Variants in PCED1B observed in about 807,000 individuals in gnomAD.
PCED1B encodes PC-esterase domain-containing protein 1B.
For missense variants in PCED1B, 573 were observed against 573.9 expected (o/e 1.00, Z 0.02); for synonymous variants, 251 against 246.1 (o/e 1.02, Z -0.19).
At chr12:47,224,936 C>T (rs117605551) in intron 3 of PCED1B, among the ~76,000 whole-genome samples, 1,572 of 152,170 alleles carry the variant, frequency 0.01, 21 homozygotes, top group African/African-American at 0.017. Flanking sequence ...TTTTCTTTTT[C>T]GTTTTCTTTT....
intron 2 of PCED1B, among the ~76,000 whole-genome samples, chr12:47,163,261 C>T (rs542906502): frequency 3.0e-4 from 45 of 152,230 alleles, no homozygotes; most frequent in African/African-American, 1.1e-3. Flanking sequence ...TGTGCATTGA[C>T]TTTGTATCCT....
chr12:47,089,471 T>C (rs1247945371), intron 1 of PCED1B, among the ~76,000 whole-genome samples: 42 of 88,350 alleles, frequency 4.8e-4, no homozygotes, highest in African/African-American at 1.8e-3. Context: ...CATATATATA[T>C]ATATATATAT....
chr12:47,142,538 A>G (rs945644251), intron 2 of PCED1B, among the ~76,000 whole-genome samples: 16 of 152,196 alleles, frequency 1.1e-4, no homozygotes, highest in Non-Finnish European at 2.1e-4. Context: ...AAAAAGCTCA[A>G]TGAGATGCAA....
At chr12:47,129,084 T>C (rs1045949535) in intron 2 of PCED1B, among the ~76,000 whole-genome samples, 1 of 152,232 alleles carries the variant, frequency 6.6e-6, no homozygotes, top group African/African-American at 2.4e-5. Flanking sequence ...CTTAACAAAC[T>C]AATTCAAATT....
intron 1 of PCED1B, among the ~76,000 whole-genome samples, chr12:47,095,951 G>A (rs762631891): frequency 3.3e-5 from 5 of 151,728 alleles, no homozygotes; most frequent in Non-Finnish European, 5.9e-5. Flanking sequence ...TTTATATTTA[G>A]TGTTTACATT....
intron 2 of PCED1B, among the ~76,000 whole-genome samples, chr12:47,179,443 T>C (rs1294538236): frequency 6.6e-6 from 1 of 152,222 alleles, no homozygotes; most frequent in Admixed American, 6.5e-5. Flanking sequence ...TTCTTTAAAT[T>C]TGAAGCCTCA....
Position 47,233,626 on chromosome 12 carries a change from A to C in PCED1B, c.-57-1381A>C, listed in dbSNP as rs1943880080. On this transcript the variant is annotated intron_variant, in intron 3 of 3. Transcript: ENST00000546455. ...TGGTGTCCATTCCCTGTCTTCGGTGAAAAGGATGATAACCTGTCTGATTGA... is the reference window on the plus strand; with the variant it reads ...TGGTGTCCATTCCCTGTCTTCGGTGCAAAGGATGATAACCTGTCTGATTGA... 2.0e-5 allele frequency among the ~76,000 whole-genome samples: 3 copies of C among 152,208 alleles called. No homozygotes were observed. In the South Asian group the frequency reaches 6.2e-4, roughly 31 times the overall value.
rs577290822 is a variant in PCED1B, at chr12:47,184,314, A to G, written c.-525-31908A>G. 3.2e-3 allele frequency among the ~76,000 whole-genome samples: 480 copies of G among 152,300 alleles called. 3 individuals are homozygous for G. Among genetic ancestry groups the G allele is most frequent in the African/African-American group, 8.9e-3 (370 of 41,566 alleles). ...GCTGGAGACAGTGGTGTGCTGGTAA[A>G]CGACCAGCTGGGGAAGGGGAGGTGG... On this transcript the variant is annotated intron_variant, in intron 2 of 3. Coordinates refer to ENST00000546455, the MANE Select transcript of PCED1B (RefSeq NM_138371.3).
intron 2 of PCED1B, among the ~76,000 whole-genome samples, chr12:47,182,862 G>T (rs1307939569): frequency 6.6e-6 from 1 of 152,056 alleles, no homozygotes; most frequent in Non-Finnish European, 1.5e-5. Context: ...TGCCCATAAG[G>T]ATACGCAAAA....
In PCED1B at chr12:47,235,597, G is replaced by T. The variant is rs748809505; in HGVS notation, c.534G>T (p.Pro178=). ...VGEEVTGGFL[P]PKLRRQKATF... ...AGGAAGTCACCGGGGGTTTTCTTCCGCCCAAGCTCCGGCGGCAGAAGGCCA... is the reference window on the plus strand; with the variant it reads ...AGGAAGTCACCGGGGGTTTTCTTCCTCCCAAGCTCCGGCGGCAGAAGGCCA... Residue 178 remains proline, a synonymous_variant, in exon 4 of 4, where the codon CCG becomes CCT. Coordinates refer to ENST00000546455, the MANE Select transcript of PCED1B (RefSeq NM_138371.3). 2.9e-5 allele frequency: 46 copies of T among 1,608,482 alleles called. No homozygotes were observed. The South Asian group carries it at 4.2e-4, about 15-fold the overall frequency.
rs923085102 is a variant in PCED1B, at chr12:47,080,791, TTCTCTCTCCCTC to T, written c.-609+1085_-609+1096del. 3.5e-4 allele frequency among the ~76,000 whole-genome samples: 54 copies of T among 152,226 alleles called. 1 individual carries two copies. Among genetic ancestry groups the T allele is most frequent in the East Asian group, 1.3e-3 (7 of 5,186 alleles). The stretch of plus-strand genomic sequence containing the variant: ...TTTTTTCTCTCTTCTCCTTCCCCTC[TTCTCTCTCCCTC>T]TCTCTCTCCCTCTCTCTCCTTTCTC... On this transcript the variant is annotated intron_variant, in intron 1 of 3. Coordinates refer to ENST00000546455, the MANE Select transcript of PCED1B (RefSeq NM_138371.3).
At position 47,188,862 on chromosome 12, in the gene PCED1B, C is replaced by G. The variant is rs572415049; in HGVS notation, c.-525-27360C>G. Among the ~76,000 whole-genome samples, 3 of 152,274 alleles carry G rather than the reference C, an allele frequency of 2.0e-5. No individual in the cohort carries two copies. In the South Asian group the frequency reaches 6.2e-4, roughly 32 times the overall value. On this transcript the variant is annotated intron_variant, in intron 2 of 3. Coordinates refer to ENST00000546455, the MANE Select transcript of PCED1B (RefSeq NM_138371.3). ...GCTGGTAACCTGGACTTTTTCCAACCCTGGCTACACAGTTGCTGGATTTAG... is the reference window on the plus strand; with the variant it reads ...GCTGGTAACCTGGACTTTTTCCAACGCTGGCTACACAGTTGCTGGATTTAG...
chr12:47,146,594 T>C (rs957840234), intron 2 of PCED1B, among the ~76,000 whole-genome samples: 1 of 152,228 alleles, frequency 6.6e-6, no homozygotes, highest in Non-Finnish European at 1.5e-5. Context: ...CAAGACCCTA[T>C]ACCGGCAAAA....
chr12:47,172,457 CA>C (rs1170709425), intron 2 of PCED1B, among the ~76,000 whole-genome samples: 1 of 149,896 alleles, frequency 6.7e-6, no homozygotes, highest in Non-Finnish European at 1.5e-5. Context: ...GCCTGGGTGA[CA>C]GGGTGAGACC....
intron 1 of PCED1B, among the ~76,000 whole-genome samples, chr12:47,082,383 C>G (rs1332887180): frequency 2.6e-5 from 4 of 151,590 alleles, no homozygotes; most frequent in Non-Finnish European, 4.4e-5. Context: ...GAAAGCTTGT[C>G]TTAAAAAAAA....
intron 2 of PCED1B, among the ~76,000 whole-genome samples, chr12:47,121,547 T>C (rs1939680103): frequency 6.6e-6 from 1 of 152,232 alleles, no homozygotes; most frequent in African/African-American, 2.4e-5. Flanking sequence ...ATGCATGTTT[T>C]ACATGTTCTA....
chr12:47,136,041 T>C (rs1940352281), intron 2 of PCED1B: 1 of 153,054 alleles, frequency 6.5e-6, no homozygotes, highest in Non-Finnish European at 1.5e-5. Flanking sequence ...ACAGTAGCCT[T>C]TTTTCCTCCA....
intron 2 of PCED1B, among the ~76,000 whole-genome samples, chr12:47,158,915 C>G (rs554848459): frequency 3.3e-4 from 51 of 152,242 alleles, no homozygotes; most frequent in African/African-American, 1.2e-3. Context: ...CTCCTGCCCC[C>G]ACCCACACAT....
chr12:47,092,130 G>A (rs1046493345), intron 1 of PCED1B, among the ~76,000 whole-genome samples: 3 of 152,030 alleles, frequency 2.0e-5, no homozygotes, highest in Admixed American at 6.5e-5. Flanking sequence ...TTAATTTGGA[G>A]AGAACTAACA....
Sources: allele counts gnomAD v4.1 joint callset (sites outside exome capture counted in the v4.1 genomes callset), GRCh38; gene constraint gnomAD v4.1.1; transcripts MANE v1.5; gene names NCBI Gene and HGNC (gene_info 2026-07-23, HGNC 2026-07-21).